The following STRN variants were observed in gnomAD, a reference collection of about 807,000 sequenced individuals.
The protein encoded by STRN is striatin, also known as protein phosphatase 2 regulatory subunit B'''alpha.
Under a neutral mutation model 96.3 loss-of-function variants are expected in STRN, and 53 were observed. That is an observed-to-expected ratio of 0.55 (90% CI 0.44 to 0.69). The LOEUF (loss-of-function observed/expected upper bound fraction) is 0.69. STRN is among the 30% of genes least tolerant of loss of function. The pLI is 0.00. For missense variants in STRN, 987 were observed against 963.9 expected (o/e 1.02, Z -0.32); for synonymous variants, 428 against 355.9 (o/e 1.20, Z -2.28).
At chr2:36,860,152 T>C (rs560610621) in intron 13 of STRN, among the ~76,000 whole-genome samples, 64 of 152,206 alleles carry the variant, frequency 4.2e-4, no homozygotes, top group Non-Finnish European at 8.2e-4. Flanking sequence ...TTAATTAAGA[T>C]GCAAGAGAAC....
intron 2 of STRN, among the ~76,000 whole-genome samples, chr2:36,923,894 C>T (rs933313770): frequency 6.6e-6 from 1 of 152,058 alleles, no homozygotes; most frequent in African/African-American, 2.4e-5. Flanking sequence ...TTCATTAAAG[C>T]AAATAAATAA....
At position 36,876,152 on chromosome 2, in the gene STRN, C is replaced by G. The variant is rs571051138; in HGVS notation, c.1323+1739G>C. On this transcript the variant is annotated intron_variant, in intron 10 of 17. Coordinates refer to ENST00000263918, the MANE Select transcript of STRN (RefSeq NM_003162.4). ...GGGTGTGATGGTGCGTGCCTATGGT[C>G]CCAGCTACTTGGGAGGCTGAGATGG... 2.0e-5 allele frequency among the ~76,000 whole-genome samples: 3 copies of G among 150,764 alleles called. No homozygotes were observed. The South Asian group carries it at 6.2e-4, about 31-fold the overall frequency.
chr2:36,866,836 G>C (rs1455466637), intron 12 of STRN, among the ~76,000 whole-genome samples: 4 of 152,094 alleles, frequency 2.6e-5, no homozygotes, highest in East Asian at 1.9e-4. Flanking sequence ...TCTGAAATTA[G>C]AGTAGCAACT....
At chr2:36,923,445 CAA>C (rs1200328345) in intron 2 of STRN, among the ~76,000 whole-genome samples, 12 of 58,496 alleles carry the variant, frequency 2.1e-4, no homozygotes, top group Admixed American at 1.8e-4. Flanking sequence ...AGCAGGACTC[CAA>C]AAAAAAAAAA....
chr2:36,879,915 G>C (rs1284084195), intron 9 of STRN, among the ~76,000 whole-genome samples: 1 of 151,854 alleles, frequency 6.6e-6, no homozygotes, highest in African/African-American at 2.4e-5. Context: ...GGACCCTTTG[G>C]GGCCAGATGT....
At chr2:36,922,007 G>C (rs1346376621) in intron 2 of STRN, among the ~76,000 whole-genome samples, 2 of 152,006 alleles carry the variant, frequency 1.3e-5, no homozygotes, top group African/African-American at 2.4e-5. Context: ...TCTTTAATTT[G>C]GTAATATACT....
At chr2:36,906,143 C>A (rs1179954301) in intron 3 of STRN, among the ~76,000 whole-genome samples, 1 of 152,136 alleles carries the variant, frequency 6.6e-6, no homozygotes, top group Non-Finnish European at 1.5e-5. Context: ...AATATATACA[C>A]CATGTACCCA....
intron 14 of STRN, among the ~76,000 whole-genome samples, chr2:36,857,512 T>TA (rs1284629240): frequency 2.0e-5 from 3 of 151,578 alleles, no homozygotes; most frequent in Non-Finnish European, 4.4e-5. Flanking sequence ...CTGTCTCTAC[T>TA]AAAAAAACTA....
chr2:36,893,044 G>A (rs1453092862), intron 7 of STRN, among the ~76,000 whole-genome samples: 1 of 151,820 alleles, frequency 6.6e-6, no homozygotes, highest in Non-Finnish European at 1.5e-5. Flanking sequence ...CTCCAGCCCG[G>A]GTGACAGAGT....
At chr2:36,963,030 C>T (rs1665066659) in intron 1 of STRN, among the ~76,000 whole-genome samples, 1 of 151,878 alleles carries the variant, frequency 6.6e-6, no homozygotes, top group African/African-American at 2.4e-5. Context: ...TCTTTTTTTC[C>T]CCCCATGAAC....
chr2:36,899,492 A>C (rs749525666), intron 6 of STRN, 31 bp downstream of exon 6: 14 of 1,588,664 alleles, frequency 8.8e-6, no homozygotes, highest in Non-Finnish European at 1.2e-5. Context: ...GTCCCTAAAA[A>C]TATTTATATT....
chr2:36,929,462 C>T (rs1183699065), intron 1 of STRN, among the ~76,000 whole-genome samples: 1 of 151,940 alleles, frequency 6.6e-6, no homozygotes, highest in African/African-American at 2.4e-5. Context: ...CGGCTCACTG[C>T]AACTTCAGCC....
chr2:36,900,115 C>T (rs778497658), intron 5 of STRN, among the ~76,000 whole-genome samples: 3 of 152,072 alleles, frequency 2.0e-5, no homozygotes, highest in Non-Finnish European at 4.4e-5. Flanking sequence ...CCTCTAATTC[C>T]TGAGCCCAAG....
At chr2:36,909,070 C>G (rs1467666501) in intron 3 of STRN, among the ~76,000 whole-genome samples, 1 of 148,856 alleles carries the variant, frequency 6.7e-6, no homozygotes, top group African/African-American at 2.5e-5. Flanking sequence ...ACAGGAGAAT[C>G]ATTTGAACCA....
intron 1 of STRN, among the ~76,000 whole-genome samples, chr2:36,965,514 A>G (rs1481441899): frequency 1.3e-5 from 2 of 152,206 alleles, no homozygotes; most frequent in African/African-American, 4.8e-5. Context: ...TGAACATAAA[A>G]TTAACCCTTG....
intron 5 of STRN, among the ~76,000 whole-genome samples, chr2:36,901,551 CAAA>C (rs72004958): frequency 7.2e-5 from 7 of 96,674 alleles, no homozygotes; most frequent in Non-Finnish European, 9.2e-5. Flanking sequence ...GACTCCGCCT[CAAA>C]AAAAAAAAAA....
At chr2:36,866,994 C>T (rs763119619) in intron 12 of STRN, among the ~76,000 whole-genome samples, 1 of 152,144 alleles carries the variant, frequency 6.6e-6, no homozygotes, top group Non-Finnish European at 1.5e-5. Flanking sequence ...CCACTGTATG[C>T]CTTTTAATTG....
At chr2:36,896,416 T>C (rs1669541373) in intron 6 of STRN, among the ~76,000 whole-genome samples, 1 of 152,196 alleles carries the variant, frequency 6.6e-6, no homozygotes, top group African/African-American at 2.4e-5. Flanking sequence ...AAATGAATTG[T>C]GTTTACCACT....
intron 12 of STRN, among the ~76,000 whole-genome samples, chr2:36,862,592 G>A (rs1054134049): frequency 8.6e-5 from 13 of 151,754 alleles, no homozygotes; most frequent in Admixed American, 2.6e-4. Context: ...TTTTTAATGG[G>A]GTTGTTTTTT....
Sources: gnomAD v4.1 joint callset for allele counts (sites outside exome capture counted in the v4.1 genomes callset) on GRCh38, gnomAD v4.1.1 for gene constraint, MANE v1.5 for transcripts, NCBI Gene and HGNC (gene_info 2026-07-23, HGNC 2026-07-21) for gene names.